Variants in TXLNG observed in about 807,000 individuals in gnomAD.
TXLNG encodes taxilin gamma, also known as gamma-taxilin.
TXLNG carries 5 observed loss-of-function variants against 38.8 expected under a neutral mutation model. The observed-to-expected ratio is 0.13, with a 90% CI of 0.07 to 0.27. TXLNG has a LOEUF of 0.27. Among genes scored for constraint, TXLNG ranks in the 10% least tolerant of loss-of-function variants. The pLI, the probability that TXLNG is intolerant of heterozygous loss-of-function variation, is 1.00. For missense variants in TXLNG, 393 were observed against 398.2 expected (o/e 0.99, Z 0.11); for synonymous variants, 182 against 158.2 (o/e 1.15, Z -1.13).
At position 16,842,884 on chromosome X, in the gene TXLNG, C is replaced by G. The variant is rs1300274704; in HGVS notation, c.*1118C>G. The G allele has an allele frequency of 8.9e-6, 1 of 112,002 alleles. No homozygotes were observed. The highest frequency in any genetic ancestry group is 1.9e-5 in the Non-Finnish European group (1 of 53,233). The allele number at this position is 112,002 out of a possible 1,213,427, so 9.2% of individuals were successfully genotyped here. Reference sequence around the variant, plus strand: ...TACGTGTTCAGTCTGTTTTCTCACCCCCTTCTTAGTTACCATCTCTTTTTT... The same window carrying G: ...TACGTGTTCAGTCTGTTTTCTCACCGCCTTCTTAGTTACCATCTCTTTTTT... On this transcript the variant is annotated 3_prime_UTR_variant, in exon 10 of 10. Transcript: ENST00000380122.
chrX:16,841,627 T>A lies in TXLNG; in HGVS notation c.1448T>A (p.Leu483Gln). 8.3e-7 allele frequency: 1 copy of A among 1,211,641 alleles called. No individual in the cohort carries two copies. The highest frequency in any genetic ancestry group is 1.1e-6 in the Non-Finnish European group (1 of 895,535). ...CCTGTGATGCAGCCCTGTACTGCCC[T>A]GGATTCTCACAAGGAGCTGAACACT... ...ATPVMQPCTA[L>Q]DSHKELNTSS... is the part of the protein sequence containing the mutation. The change falls in exon 10 of 10, where the codon CTG becomes CAG. Residue 483 changes from leucine to glutamine, a missense_variant. Transcript: ENST00000380122.
chrX:16,812,889 C>T (rs1928583233), intron 1 of TXLNG, among the ~76,000 whole-genome samples: 1 of 107,163 alleles, frequency 9.3e-6, no homozygotes, highest in African/African-American at 3.4e-5. Context: ...TTAGTAGAGG[C>T]GGTGTTTCTC....
rs368692515 is a variant in TXLNG, at chrX:16,829,660, C to G, written c.754C>G (p.Gln252Glu). The G allele has an allele frequency of 8.3e-7, 1 of 1,210,131 alleles. No homozygotes were observed. The highest frequency in any genetic ancestry group is 1.1e-6 in the Non-Finnish European group (1 of 895,251). The change falls in exon 5 of 10, where the codon CAA (glutamine) becomes GAA (glutamate). Residue 252 changes from glutamine to glutamate, a missense_variant. Coordinates refer to ENST00000380122, the MANE Select transcript of TXLNG (RefSeq NM_018360.3). ...TTTCCAGATTACCTTAAATGAAATT[C>G]AAGCCCAGCTGGAGCAGCATGACAT... The part of the protein sequence containing the change: ...AHFQITLNEI[Q>E]AQLEQHDIHN...
chrX:16,790,803 T>C (rs780937896), intron 1 of TXLNG, among the ~76,000 whole-genome samples: 12 of 111,981 alleles, frequency 1.1e-4, no homozygotes, highest in African/African-American at 3.6e-4. Flanking sequence ...CATTTGCTGA[T>C]GACAAGCTGC....
chrX:16,826,342 G>A (rs905057978), intron 3 of TXLNG, among the ~76,000 whole-genome samples: 1 of 112,234 alleles, frequency 8.9e-6, no homozygotes, highest in East Asian at 2.8e-4. Flanking sequence ...CTGTAAGGAT[G>A]CGTGATATGT....
rs563307841 is a variant in TXLNG, at chrX:16,788,922, C to T, written c.102+2333C>T. ...GCCTCAGGTAAGCCACCCACCTTGGCCTTCCAAAGTGGCGGGATTACAGGC... is the reference window on the plus strand; with the variant it reads ...GCCTCAGGTAAGCCACCCACCTTGGTCTTCCAAAGTGGCGGGATTACAGGC... On this transcript the variant is annotated intron_variant, in intron 1 of 9. Transcript: ENST00000380122. 3.6e-4 allele frequency among the ~76,000 whole-genome samples: 40 copies of T among 111,654 alleles called. 1 individual carries two copies. The South Asian group carries it at 0.014, about 40-fold the overall frequency.
At chrX:16,787,045 C>A (rs977521998) in intron 1 of TXLNG, among the ~76,000 whole-genome samples, 2 of 113,015 alleles carry the variant, frequency 1.8e-5, no homozygotes, top group African/African-American at 6.4e-5. Flanking sequence ...GTGCGCAGGG[C>A]GCGCTGCGGG....
rs766891374 is a variant in TXLNG, at chrX:16,818,396, T to C, written c.103-178T>C. ...TGTGATTCATTTTAACTAATTTCCT[T>C]ATACTTTATAGTTAGGTCACCTCTC... On this transcript the variant is annotated intron_variant, in intron 1 of 9. Coordinates refer to ENST00000380122, the MANE Select transcript of TXLNG (RefSeq NM_018360.3). Among the ~76,000 whole-genome samples, 4 of 112,047 alleles carry C rather than the reference T, an allele frequency of 3.6e-5. No individual in the cohort carries two copies. The South Asian group carries it at 1.5e-3, about 41-fold the overall frequency.
intron 1 of TXLNG, among the ~76,000 whole-genome samples, chrX:16,805,011 A>T (rs1476176007): frequency 3.5e-5 from 1 of 28,592 alleles, no homozygotes; most frequent in African/African-American, 1.0e-4. Flanking sequence ...TTTTTTTGAG[A>T]GACAGAGCCT....
intron 3 of TXLNG, among the ~76,000 whole-genome samples, chrX:16,822,840 C>T (rs748579760): frequency 9.8e-5 from 11 of 111,854 alleles, no homozygotes; most frequent in Admixed American, 2.8e-4. Context: ...CATTCTGATT[C>T]ACTAGGCCTT....
chrX:16,802,031 G>A (rs1414894213), intron 1 of TXLNG, among the ~76,000 whole-genome samples: 26 of 90,255 alleles, frequency 2.9e-4, no homozygotes, highest in Middle Eastern at 7.1e-3. Context: ...TCAGCTCACC[G>A]CAACCTCTGC....
At position 16,795,234 on chromosome X, in the gene TXLNG, G is replaced by A. The variant is rs912333623; in HGVS notation, c.102+8645G>A. Among the ~76,000 whole-genome samples the A allele has an allele frequency of 1.0e-4, 11 of 110,476 alleles. No homozygotes were observed. In the East Asian group the frequency reaches 2.5e-3, roughly 26 times the overall value. ...GGAGCTTGCAGCGAGCCGAGATTGC[G>A]CCACTGCACTCCAGCCTGGGCGACA... On this transcript the variant is annotated intron_variant, in intron 1 of 9. Coordinates refer to ENST00000380122, the MANE Select transcript of TXLNG (RefSeq NM_018360.3).
At chrX:16,816,467 G>A (rs1928748569) in intron 1 of TXLNG, among the ~76,000 whole-genome samples, 1 of 112,663 alleles carries the variant, frequency 8.9e-6, no homozygotes, top group Non-Finnish European at 1.9e-5. Flanking sequence ...CATGCCCCAC[G>A]ATGCGTGCCA....
intron 1 of TXLNG, among the ~76,000 whole-genome samples, chrX:16,806,842 G>T (rs1029470494): frequency 1.9e-5 from 2 of 107,543 alleles, no homozygotes; most frequent in Admixed American, 1.0e-4. Flanking sequence ...GCTTGAACTC[G>T]GGAGGCGGAG....
At chrX:16,828,580 C>T (rs1929261301) in intron 4 of TXLNG, among the ~76,000 whole-genome samples, 1 of 111,815 alleles carries the variant, frequency 8.9e-6, no homozygotes, top group African/African-American at 3.3e-5. Flanking sequence ...CTGCTGAGCA[C>T]TGATACAGCT....
chrX:16,816,400 A>G (rs1429433306), intron 1 of TXLNG, among the ~76,000 whole-genome samples: 2 of 112,726 alleles, frequency 1.8e-5, no homozygotes, highest in African/African-American at 6.4e-5. Context: ...AAGTCTCACT[A>G]TATTGCCCAG....
At chrX:16,805,436 A>G (rs1294851996) in intron 1 of TXLNG, among the ~76,000 whole-genome samples, 1 of 77,679 alleles carries the variant, frequency 1.3e-5, no homozygotes, top group Non-Finnish European at 2.9e-5. Flanking sequence ...CAAAACAACA[A>G]CAACAAAAGA....
chrX:16,841,847 G>A lies in TXLNG; in HGVS notation c.*81G>A, dbSNP rs1182878216. 5.7e-6 allele frequency: 6 copies of A among 1,044,077 alleles called. No individual in the cohort carries two copies. The South Asian group carries it at 1.4e-4, about 24-fold the overall frequency. The allele number at this position is 1,044,077 out of a possible 1,213,427, so 86.0% of individuals were successfully genotyped here. On this transcript the variant is annotated 3_prime_UTR_variant, in exon 10 of 10. Coordinates refer to ENST00000380122, the MANE Select transcript of TXLNG (RefSeq NM_018360.3). ...AGTAGTTAACTATTGGTTTTGTGGT[G>A]AAAATTTTCTTACTTTTTCTACCAT...
intron 5 of TXLNG, among the ~76,000 whole-genome samples, chrX:16,830,298 A>G (rs1163341623): frequency 9.2e-6 from 1 of 108,815 alleles, no homozygotes; most frequent in East Asian, 2.9e-4. Flanking sequence ...GGGAAGATCC[A>G]TGGCTAATGA....
Sources: allele counts gnomAD v4.1 joint callset (sites outside exome capture counted in the v4.1 genomes callset), GRCh38; gene constraint gnomAD v4.1.1; transcripts MANE v1.5; gene names NCBI Gene and HGNC (gene_info 2026-07-23, HGNC 2026-07-21).